TRPM3: variants seen among roughly 807,000 people sequenced by gnomAD.
TRPM3 encodes transient receptor potential cation channel subfamily M member 3.
In TRPM3, 77 loss-of-function variants were observed where a neutral mutation model predicts 181.2. That is an observed-to-expected ratio of 0.42 (90% CI 0.35 to 0.51). The LOEUF is 0.51. Ranked by LOEUF, TRPM3 falls within the 20% of genes least tolerant of loss-of-function variation. TRPM3 has a pLI of 0.01. For missense variants in TRPM3, 1,759 were observed against 2,196.7 expected, an observed-to-expected ratio of 0.80 and a Z score of 3.98; for synonymous variants, 745 against 796.4, an observed-to-expected ratio of 0.94 and a Z score of 1.09.
At chr9:71,313,218 T>A (rs1028993245) in intron 1 of TRPM3, among the ~76,000 whole-genome samples, 1 of 152,200 alleles carries the variant, frequency 6.6e-6, no homozygotes, top group Non-Finnish European at 1.5e-5. Context: ...CCTAATCTGC[T>A]GTTTAAAAAG....
intron 9 of TRPM3, 63 bp downstream of exon 9, chr9:70,681,443 A>G: frequency 2.9e-6 from 4 of 1,363,786 alleles, no homozygotes; most frequent in Non-Finnish European, 3.1e-6. Context: ...ATTAGGAGAC[A>G]TAAGGTCACT....
chr9:71,160,229 A>G (rs966059199), intron 1 of TRPM3, among the ~76,000 whole-genome samples: 7 of 152,202 alleles, frequency 4.6e-5, no homozygotes, highest in African/African-American at 1.7e-4. Flanking sequence ...TATCACTTCA[A>G]TTCTCAATGA....
intron 1 of TRPM3, among the ~76,000 whole-genome samples, chr9:71,159,310 G>T (rs1383306420): frequency 1.3e-5 from 2 of 151,992 alleles, no homozygotes; most frequent in East Asian, 3.9e-4. Context: ...TGAACGCAAT[G>T]ATCTATAGAA....
intron 1 of TRPM3, among the ~76,000 whole-genome samples, chr9:71,305,347 C>A (rs752672363): frequency 2.0e-5 from 3 of 152,122 alleles, no homozygotes; most frequent in African/African-American, 4.8e-5. Flanking sequence ...CAAAAATAAA[C>A]CTTTCCAGGA....
chr9:71,405,462 T>C (rs1316297572), intron 1 of TRPM3, among the ~76,000 whole-genome samples: 1 of 152,204 alleles, frequency 6.6e-6, no homozygotes, highest in East Asian at 1.9e-4. Flanking sequence ...TAGGTTTTAT[T>C]CTCATATAAA....
chr9:70,533,525 TAATC>T lies in TRPM3; in HGVS notation c.*2424_*2427del, dbSNP rs932985161. ...GAGCAAACATGGTTCCTTTCCCTCA[TAATC>T]AATATAGAACCAGGGGCTCATGAAC... On this transcript the variant is annotated 3_prime_UTR_variant, in exon 26 of 26. Transcript: ENST00000677713. 1.3e-5 allele frequency: 2 copies of T among 152,204 alleles called. No homozygotes were observed. Among genetic ancestry groups the T allele is most frequent in the African/African-American group, 4.8e-5 (2 of 41,442 alleles). The allele number at this position is 152,204 out of a possible 1,614,324, so 9.4% of individuals were successfully genotyped here.
intron 8 of TRPM3, among the ~76,000 whole-genome samples, chr9:70,745,414 G>A (rs762405589): frequency 7.9e-5 from 12 of 151,946 alleles, no homozygotes; most frequent in Non-Finnish European, 1.5e-4. Context: ...AAACTCATAC[G>A]GAAAACATTT....
At chr9:71,000,510 T>G (rs2097587525) in intron 1 of TRPM3, among the ~76,000 whole-genome samples, 1 of 152,208 alleles carries the variant, frequency 6.6e-6, no homozygotes, top group Non-Finnish European at 1.5e-5. Context: ...AAATCAATCT[T>G]TCTTAAGTTG....
chr9:70,602,977 A>G (rs1231580696), intron 20 of TRPM3, among the ~76,000 whole-genome samples: 1 of 152,216 alleles, frequency 6.6e-6, no homozygotes, highest in African/African-American at 2.4e-5. Context: ...AGTCACAGGT[A>G]TTGGCAGACT....
intron 8 of TRPM3, among the ~76,000 whole-genome samples, chr9:70,744,261 G>T (rs891676234): frequency 1.3e-5 from 2 of 151,374 alleles, no homozygotes; most frequent in African/African-American, 4.9e-5. Context: ...CTGGGAGGCA[G>T]AGGTGGCAGT....
At chr9:71,345,962 G>A (rs981512) in intron 1 of TRPM3, among the ~76,000 whole-genome samples, 150,186 of 152,316 alleles carry the variant, frequency 0.99, 74,080 homozygotes, top group East Asian at 1. Flanking sequence ...CCAATAGTAT[G>A]CTATGGGAAA....
chr9:70,656,508 G>C (rs553240174), intron 9 of TRPM3, among the ~76,000 whole-genome samples: 2 of 151,610 alleles, frequency 1.3e-5, no homozygotes, highest in African/African-American at 4.9e-5. Context: ...GAATGAATGA[G>C]AACAGCTTGG....
chr9:70,617,746 C>G (rs549009838), intron 17 of TRPM3, among the ~76,000 whole-genome samples: 1 of 152,298 alleles, frequency 6.6e-6, no homozygotes, highest in Admixed American at 6.5e-5. Context: ...GGGTGGATCA[C>G]TTGAGGTCAG....
At chr9:71,312,280 A>C (rs1348332548) in intron 1 of TRPM3, among the ~76,000 whole-genome samples, 1 of 152,164 alleles carries the variant, frequency 6.6e-6, no homozygotes, top group Non-Finnish European at 1.5e-5. Flanking sequence ...AAAGAAACAG[A>C]TGACAAACAA....
chr9:71,020,040 G>A (rs768807027), intron 1 of TRPM3, among the ~76,000 whole-genome samples: 2 of 151,938 alleles, frequency 1.3e-5, no homozygotes, highest in African/African-American at 4.8e-5. Flanking sequence ...TATTTCAGTT[G>A]GTCTTTGATC....
At chr9:70,814,615 T>C (rs1350303192) in intron 6 of TRPM3, among the ~76,000 whole-genome samples, 1 of 152,172 alleles carries the variant, frequency 6.6e-6, no homozygotes, top group Non-Finnish European at 1.5e-5. Context: ...TTGAAAATAC[T>C]GTTCTCTCTA....
chr9:70,992,546 C>T lies in TRPM3; in HGVS notation c.178-128035G>A, dbSNP rs540006867. ...TGTAGAGCAACACTGTCTAACAAAACTTTCTGTGGTGATGGAAATGATCTA... is the reference window on the plus strand; with the variant it reads ...TGTAGAGCAACACTGTCTAACAAAATTTTCTGTGGTGATGGAAATGATCTA... On this transcript the variant is annotated intron_variant, in intron 1 of 25. Coordinates refer to ENST00000677713, the MANE Select transcript of TRPM3 (RefSeq NM_001366145.2). Among the ~76,000 whole-genome samples, 6 of 152,300 alleles carry T rather than the reference C, an allele frequency of 3.9e-5. No homozygotes were observed. The South Asian group carries it at 6.2e-4, about 16-fold the overall frequency.
At chr9:70,759,580 A>G (rs1319627764) in intron 8 of TRPM3, among the ~76,000 whole-genome samples, 2 of 152,224 alleles carry the variant, frequency 1.3e-5, no homozygotes, top group Admixed American at 6.5e-5. Flanking sequence ...CTTGGAACCA[A>G]CCCAAATGCC....
chr9:70,806,214 C>T (rs1269722498), intron 6 of TRPM3, among the ~76,000 whole-genome samples: 1 of 152,098 alleles, frequency 6.6e-6, no homozygotes, highest in Non-Finnish European at 1.5e-5. Flanking sequence ...TGAAACCTGG[C>T]CTCCAACACA....
Sources: allele counts gnomAD v4.1 joint callset (sites outside exome capture counted in the v4.1 genomes callset), GRCh38; gene constraint gnomAD v4.1.1; transcripts MANE v1.5; gene names NCBI Gene and HGNC (gene_info 2026-07-23, HGNC 2026-07-21).